Variants in ZNF385D observed in about 807,000 individuals in gnomAD.
ZNF385D encodes the protein zinc finger protein 659.
A neutral mutation model predicts 35.8 loss-of-function variants in ZNF385D; 15 were observed. The observed-to-expected ratio is 0.42, with a 90% CI of 0.28 to 0.64. ZNF385D has a LOEUF of 0.64. ZNF385D is among the 30% of genes least tolerant of loss of function. The pLI is 0.23. For synonymous variants in ZNF385D, 212 were observed against 186.8 expected, an observed-to-expected ratio of 1.13 and a Z score of -1.10; for missense variants, 474 against 494.6, an observed-to-expected ratio of 0.96 and a Z score of 0.39.
chr3:21,488,714 A>C (rs1305670580), intron 4 of ZNF385D, among the ~76,000 whole-genome samples: 1 of 152,196 alleles, frequency 6.6e-6, no homozygotes, highest in South Asian at 2.1e-4. Context: ...AATGGCATTA[A>C]AAAAATGGCA....
intron 1 of ZNF385D, among the ~76,000 whole-genome samples, chr3:21,720,305 G>A (rs1195006794): frequency 6.6e-6 from 1 of 152,200 alleles, no homozygotes. Flanking sequence ...TCAAATCCCA[G>A]TACTTTGGGA....
intron 3 of ZNF385D, among the ~76,000 whole-genome samples, chr3:21,844,287 T>C (rs1695862276): frequency 6.6e-6 from 1 of 151,976 alleles, no homozygotes; most frequent in African/African-American, 2.4e-5. Context: ...AAATACAATA[T>C]CATAAGAGTG....
intron 3 of ZNF385D, among the ~76,000 whole-genome samples, chr3:22,090,292 T>A (rs2125600457): frequency 6.6e-6 from 1 of 152,320 alleles, no homozygotes; most frequent in African/African-American, 2.4e-5. Flanking sequence ...AGCTTCTTAC[T>A]ACTGGGAAAT....
At position 22,323,625 on chromosome 3, in the gene ZNF385D, TTAAAGA is replaced by T. The variant is rs1206251527; in HGVS notation, c.106+48819_106+48824del. ...AGTAGTACTACACATTGTTTTATTC[TTAAAGA>T]TAATTTTAAAATAAAAATTATTAAA... On this transcript the variant is annotated intron_variant, in intron 2 of 5. Coordinates refer to the ZNF385D transcript ENST00000494108. Among the ~76,000 whole-genome samples, 3 of 152,328 alleles carry T rather than the reference TTAAAGA, an allele frequency of 2.0e-5. No individual in the cohort carries two copies. The East Asian group carries it at 5.8e-4, about 29-fold the overall frequency.
chr3:21,461,257 A>C (rs145461922), intron 4 of ZNF385D, among the ~76,000 whole-genome samples: 49 of 152,258 alleles, frequency 3.2e-4, no homozygotes, highest in African/African-American at 1.1e-3. Flanking sequence ...TTATATTTAA[A>C]ACTCCTCTTT....
chr3:21,938,040 G>C (rs1701344954), intron 3 of ZNF385D, among the ~76,000 whole-genome samples: 1 of 152,118 alleles, frequency 6.6e-6, no homozygotes, highest in South Asian at 2.1e-4. Flanking sequence ...TAACAAAGGA[G>C]GTCCAAATTT....
chr3:21,441,857 G>A (rs563690679), intron 4 of ZNF385D: 1 of 411,810 alleles, frequency 2.4e-6, no homozygotes, highest in African/African-American at 2.2e-5. Flanking sequence ...TATGTGACAA[G>A]GAGTTAAAAA....
intron 2 of ZNF385D, among the ~76,000 whole-genome samples, chr3:22,184,987 T>C (rs1193009970): frequency 6.6e-6 from 1 of 152,138 alleles, no homozygotes; most frequent in Non-Finnish European, 1.5e-5. Flanking sequence ...TTAGGTAGGT[T>C]AAAATGTGTT....
intron 3 of ZNF385D, among the ~76,000 whole-genome samples, chr3:21,932,749 C>T (rs1372691463): frequency 2.0e-5 from 3 of 151,934 alleles, no homozygotes; most frequent in Non-Finnish European, 4.4e-5. Context: ...TCTAAAAAGC[C>T]AACCACTTCT....
Position 22,074,263 on chromosome 3 carries a change from G to C in ZNF385D, c.325+94554C>G, listed in dbSNP as rs574240810. Among the ~76,000 whole-genome samples, 13 of 152,080 alleles carry C rather than the reference G, an allele frequency of 8.5e-5. No individual in the cohort carries two copies. In the South Asian group the frequency reaches 2.5e-3, roughly 29 times the overall value. ...CAAGCTGATCCACAATGATCAGCTG[G>C]AGTGAAGACATTGATTATGTCGATG... On this transcript the variant is annotated intron_variant, in intron 3 of 5. Coordinates refer to the ZNF385D transcript ENST00000494108.
chr3:22,102,643 T>C (rs1011914302), intron 3 of ZNF385D, among the ~76,000 whole-genome samples: 2 of 152,008 alleles, frequency 1.3e-5, no homozygotes, highest in African/African-American at 4.8e-5. Flanking sequence ...ATAGGACATA[T>C]TGATGACTGG....
intron 3 of ZNF385D, among the ~76,000 whole-genome samples, chr3:21,948,717 T>C (rs927799715): frequency 9.9e-5 from 15 of 152,222 alleles, no homozygotes; most frequent in African/African-American, 3.6e-4. Flanking sequence ...AATATTTCAT[T>C]CATTGTCACT....
At chr3:21,859,312 G>A (rs1696910125) in intron 3 of ZNF385D, among the ~76,000 whole-genome samples, 1 of 151,858 alleles carries the variant, frequency 6.6e-6, no homozygotes, top group South Asian at 2.1e-4. Context: ...GGAACAAAAG[G>A]AGCCTGTGGC....
At chr3:21,433,782 T>C (rs550155219) in intron 5 of ZNF385D, among the ~76,000 whole-genome samples, 3 of 152,318 alleles carry the variant, frequency 2.0e-5, no homozygotes, top group East Asian at 3.9e-4. Flanking sequence ...AAAAATATTT[T>C]GTTAGTCTAT....
At chr3:22,310,658 CT>C (rs1051064340) in intron 2 of ZNF385D, among the ~76,000 whole-genome samples, 8 of 151,818 alleles carry the variant, frequency 5.3e-5, no homozygotes, top group Non-Finnish European at 4.4e-5. Context: ...TAAATTTAAA[CT>C]TTTATCAGTT....
At chr3:21,700,847 C>G (rs2067656326) in intron 1 of ZNF385D, among the ~76,000 whole-genome samples, 1 of 152,190 alleles carries the variant, frequency 6.6e-6, no homozygotes, top group Non-Finnish European at 1.5e-5. Flanking sequence ...CAGTTCATCT[C>G]TGTTACAATT....
chr3:21,891,357 A>G (rs1003905574), intron 3 of ZNF385D, among the ~76,000 whole-genome samples: 6 of 152,202 alleles, frequency 3.9e-5, no homozygotes, highest in Admixed American at 2.6e-4. Flanking sequence ...TTGATACCTT[A>G]AAGCACAGCT....
In ZNF385D at chr3:21,867,962, T is replaced by G. The variant is rs183912031; in HGVS notation, c.326-202934A>C. 2.6e-5 allele frequency among the ~76,000 whole-genome samples: 4 copies of G among 152,250 alleles called. No individual in the cohort carries two copies. In the East Asian group the frequency reaches 7.7e-4, roughly 29 times the overall value. On this transcript the variant is annotated intron_variant, in intron 3 of 5. Transcript: ENST00000494108. Reference sequence around the variant, plus strand: ...AACCACATATGGGTAGTGGCCACTATATTGACCAGTACAGCCTTAAACAAG... The same window carrying G: ...AACCACATATGGGTAGTGGCCACTAGATTGACCAGTACAGCCTTAAACAAG...
intron 2 of ZNF385D, among the ~76,000 whole-genome samples, chr3:22,229,567 C>G (rs1339751364): frequency 1.3e-5 from 2 of 152,172 alleles, no homozygotes; most frequent in East Asian, 3.9e-4. Context: ...GTTGCTCTCT[C>G]CTTTACCTGC....
Sources: gnomAD v4.1 joint callset for allele counts (sites outside exome capture counted in the v4.1 genomes callset) on GRCh38, gnomAD v4.1.1 for gene constraint, MANE v1.5 for transcripts, NCBI Gene and HGNC (gene_info 2026-07-23, HGNC 2026-07-21) for gene names.